The following CCDC85A variants were observed in gnomAD, a reference collection of about 807,000 sequenced individuals.
CCDC85A encodes coiled-coil domain-containing protein 85A.
Under a neutral mutation model 50.2 loss-of-function variants are expected in CCDC85A, and 38 were observed. The ratio of observed to expected loss-of-function variants is 0.76; its 90% CI spans 0.58 to 0.99. CCDC85A has a LOEUF of 0.99. Ranked by LOEUF, CCDC85A falls within the 50% of genes least tolerant of loss-of-function variation. CCDC85A has a pLI of 0.00. For missense variants in CCDC85A, 820 were observed against 742.0 expected (o/e 1.11, Z -1.22); for synonymous variants, 366 against 301.4 (o/e 1.21, Z -2.22).
At chr2:56,288,154 G>GT (rs371403789) in intron 2 of CCDC85A, among the ~76,000 whole-genome samples, 13 of 152,308 alleles carry the variant, frequency 8.5e-5, no homozygotes, top group African/African-American at 2.9e-4. Context: ...GAGGGATGGA[G>GT]TAGACAGAGG....
intron 2 of CCDC85A, among the ~76,000 whole-genome samples, chr2:56,198,501 T>C (rs1300373315): frequency 6.6e-6 from 1 of 152,244 alleles, no homozygotes; most frequent in South Asian, 2.1e-4. Context: ...ACTTAAGTTT[T>C]TGATAAAATT....
intron 1 of CCDC85A, among the ~76,000 whole-genome samples, chr2:56,188,770 G>A (rs1343157795): frequency 6.6e-6 from 1 of 152,216 alleles, no homozygotes; most frequent in Non-Finnish European, 1.5e-5. Flanking sequence ...ATTCTTCTCA[G>A]TAGCTATAGC....
In CCDC85A at chr2:56,184,645, C is replaced by CGCGGCGGCGGCT. The variant is rs746236415; in HGVS notation, c.33_44dup (p.Ala12_Ala15dup). On this transcript the variant is annotated inframe_insertion, in exon 1 of 6. Coordinates refer to ENST00000407595, the MANE Select transcript of CCDC85A (RefSeq NM_001080433.2). ...ATACCATGTCGAAGGCGGCCGGAGG[C>CGCGGCGGCGGCT]GCGGCGGCGGCTGCGGCGGCGGCGG... 12 of 1,438,208 alleles carry CGCGGCGGCGGCT rather than the reference C, an allele frequency of 8.3e-6. No individual in the cohort carries two copies. In the African/African-American group the frequency reaches 1.1e-4, roughly 13 times the overall value. The allele number at this position is 1,438,208 out of a possible 1,614,324, so 89.1% of individuals were successfully genotyped here.
intron 2 of CCDC85A, among the ~76,000 whole-genome samples, chr2:56,313,855 C>T (rs1302969240): frequency 6.6e-6 from 1 of 151,906 alleles, no homozygotes; most frequent in African/African-American, 2.4e-5. Context: ...TGGTTGGACT[C>T]AGCAGAAGCT....
At chr2:56,189,191 C>T (rs918782779) in intron 1 of CCDC85A, among the ~76,000 whole-genome samples, 2 of 151,970 alleles carry the variant, frequency 1.3e-5, no homozygotes, top group Admixed American at 6.6e-5. Flanking sequence ...AGGCAAGGGA[C>T]AGCCTTTCAG....
At chr2:56,367,570 C>A (rs1675859972) in intron 3 of CCDC85A, among the ~76,000 whole-genome samples, 1 of 152,096 alleles carries the variant, frequency 6.6e-6, no homozygotes, top group Non-Finnish European at 1.5e-5. Context: ...AGGGGTCTGT[C>A]CAGTGCATTT....
chr2:56,384,288 A>G lies in CCDC85A; in HGVS notation c.1595A>G (p.Asp532Gly), dbSNP rs1029100436. Residue 532 changes from aspartate to glycine, a missense_variant, in exon 6 of 6, where the codon GAT becomes GGT. Coordinates refer to ENST00000407595, the MANE Select transcript of CCDC85A (RefSeq NM_001080433.2). ...AAGGTTGTGTGGAGGAAACTTGGAGATGCTGCAGGTTCGTGTCCTGGAATT... is the reference window on the plus strand; with the variant it reads ...AAGGTTGTGTGGAGGAAACTTGGAGGTGCTGCAGGTTCGTGTCCTGGAATT... Reference protein sequence around the residue: ...SLKVVWRKLGDAAGSCPGIRQ... With the variant: ...SLKVVWRKLGGAAGSCPGIRQ... 6.2e-7 allele frequency: 1 copy of G among 1,610,680 alleles called. No individual in the cohort carries two copies. Among genetic ancestry groups the G allele is most frequent in the Non-Finnish European group, 8.5e-7 (1 of 1,178,020 alleles).
intron 2 of CCDC85A, among the ~76,000 whole-genome samples, chr2:56,286,060 T>C (rs959515011): frequency 5.4e-5 from 8 of 149,378 alleles, no homozygotes; most frequent in Non-Finnish European, 1.2e-4. Flanking sequence ...TTTGGGTCCA[T>C]TATTTCTGAT....
intron 2 of CCDC85A, among the ~76,000 whole-genome samples, chr2:56,223,987 A>C (rs955878719): frequency 6.6e-6 from 1 of 152,184 alleles, no homozygotes; most frequent in African/African-American, 2.4e-5. Flanking sequence ...CATAAAATCT[A>C]CTAAAGTGTA....
chr2:56,336,749 A>G (rs570724782), intron 2 of CCDC85A, among the ~76,000 whole-genome samples: 3 of 152,348 alleles, frequency 2.0e-5, no homozygotes, highest in South Asian at 4.1e-4. Context: ...TCAAACTAAC[A>G]GAGAAAACGA....
chr2:56,345,202 A>AT (rs968671669), intron 3 of CCDC85A, among the ~76,000 whole-genome samples: 16 of 152,102 alleles, frequency 1.1e-4, no homozygotes, highest in Non-Finnish European at 2.4e-4. Context: ...GTTTTGTTTC[A>AT]TTTTTTTCTC....
chr2:56,264,946 G>C (rs1482656302), intron 2 of CCDC85A, among the ~76,000 whole-genome samples: 1 of 152,166 alleles, frequency 6.6e-6, no homozygotes, highest in Non-Finnish European at 1.5e-5. Context: ...TCAGGTCTCT[G>C]GCAAAATGTC....
chr2:56,248,028 G>A (rs1347055532), intron 2 of CCDC85A, among the ~76,000 whole-genome samples: 1 of 152,196 alleles, frequency 6.6e-6, no homozygotes, highest in African/African-American at 2.4e-5. Flanking sequence ...TCTGCTCAGA[G>A]TCACAGAACT....
intron 2 of CCDC85A, among the ~76,000 whole-genome samples, chr2:56,239,713 T>C (rs961223202): frequency 6.6e-6 from 1 of 152,126 alleles, no homozygotes; most frequent in African/African-American, 2.4e-5. Context: ...TTTCTGGGAA[T>C]TAGAGTTTGA....
intron 3 of CCDC85A, among the ~76,000 whole-genome samples, chr2:56,348,729 C>T (rs545854218): frequency 1.1e-4 from 17 of 152,326 alleles, no homozygotes; most frequent in African/African-American, 4.1e-4. Context: ...CCTCACCTCA[C>T]CACGGTGCTT....
At chr2:56,224,101 T>A in intron 2 of CCDC85A, among the ~76,000 whole-genome samples, 1 of 152,170 alleles carries the variant, frequency 6.6e-6, no homozygotes, top group Non-Finnish European at 1.5e-5. Context: ...TTTAACCCCA[T>A]ACCCATTAGT....
intron 2 of CCDC85A, among the ~76,000 whole-genome samples, chr2:56,201,212 T>A (rs1249904112): frequency 2.0e-5 from 3 of 152,190 alleles, no homozygotes; most frequent in Non-Finnish European, 2.9e-5. Flanking sequence ...TGGTTTTTTT[T>A]ATACCTCCTT....
intron 3 of CCDC85A, among the ~76,000 whole-genome samples, chr2:56,353,265 A>G (rs891025631): frequency 6.6e-5 from 10 of 152,358 alleles, no homozygotes; most frequent in South Asian, 2.1e-4. Context: ...TGTTGGTTTT[A>G]TGTGTATTTG....
intron 2 of CCDC85A, among the ~76,000 whole-genome samples, chr2:56,228,222 A>G (rs1409351032): frequency 6.6e-6 from 1 of 152,106 alleles, no homozygotes; most frequent in Non-Finnish European, 1.5e-5. Flanking sequence ...TAATTTCCTT[A>G]TCTGTAAATT....
Sources: gnomAD v4.1 joint callset for allele counts (sites outside exome capture counted in the v4.1 genomes callset) on GRCh38, gnomAD v4.1.1 for gene constraint, MANE v1.5 for transcripts, NCBI Gene and HGNC (gene_info 2026-07-23, HGNC 2026-07-21) for gene names.